Variants in DTNB observed in about 807,000 individuals in gnomAD.
The protein encoded by DTNB is dystrobrevin beta, also known as DTN-B.
A neutral mutation model predicts 90.7 loss-of-function variants in DTNB; 63 were observed. The observed-to-expected ratio is 0.69, with a 90% CI of 0.57 to 0.86. The LOEUF is 0.86. Among genes scored for constraint, DTNB ranks in the 40% least tolerant of loss-of-function variants. The pLI is 0.00. For synonymous variants in DTNB, 277 were observed against 286.7 expected (o/e 0.97, Z 0.34); for missense variants, 744 against 807.1 (o/e 0.92, Z 0.95).
At chr2:25,538,156 G>A (rs1379231177) in intron 8 of DTNB, among the ~76,000 whole-genome samples, 1 of 152,100 alleles carries the variant, frequency 6.6e-6, no homozygotes, top group Non-Finnish European at 1.5e-5. Flanking sequence ...GTCAAGGTGG[G>A]AGGATCACTT....
Position 25,447,844 on chromosome 2 carries a change from T to C in DTNB, c.1257+3704A>G, listed in dbSNP as rs181211932. On this transcript the variant is annotated intron_variant, in intron 12 of 20. Coordinates refer to ENST00000406818, the MANE Select transcript of DTNB (RefSeq NM_021907.5). Reference sequence around the variant, plus strand: ...TTATACAACATATTCACCAAGGGTATAATGCTTCAAGGGCCTACCTTAATG... The same window carrying C: ...TTATACAACATATTCACCAAGGGTACAATGCTTCAAGGGCCTACCTTAATG... 8.5e-5 allele frequency among the ~76,000 whole-genome samples: 13 copies of C among 152,220 alleles called. No individual in the cohort carries two copies. In the East Asian group the frequency reaches 2.5e-3, roughly 29 times the overall value.
At chr2:25,617,186 G>C (rs1395238534) in intron 4 of DTNB, among the ~76,000 whole-genome samples, 1 of 152,070 alleles carries the variant, frequency 6.6e-6, no homozygotes, top group African/African-American at 2.4e-5. Flanking sequence ...CTTTATTAAG[G>C]GTCAGGGGAT....
chr2:25,436,638 G>GA (rs1001571557), intron 12 of DTNB, among the ~76,000 whole-genome samples: 17 of 147,554 alleles, frequency 1.2e-4, no homozygotes, highest in South Asian at 2.2e-4. Flanking sequence ...TTTTTTAAAA[G>GA]AAAAAAAAAA....
At chr2:25,385,257 C>G (rs1233965320) in intron 18 of DTNB, among the ~76,000 whole-genome samples, 2 of 152,144 alleles carry the variant, frequency 1.3e-5, no homozygotes, top group African/African-American at 4.8e-5. Flanking sequence ...TATGTATATA[C>G]AGTATGTATA....
At chr2:25,382,248 C>T (rs773203096) in intron 19 of DTNB, among the ~76,000 whole-genome samples, 1 of 152,212 alleles carries the variant, frequency 6.6e-6, no homozygotes, top group Non-Finnish European at 1.5e-5. Context: ...CTCTCTATCT[C>T]ATCACCCCAT....
At chr2:25,398,429 AG>A in intron 16 of DTNB, among the ~76,000 whole-genome samples, 1 of 152,342 alleles carries the variant, frequency 6.6e-6, no homozygotes, top group African/African-American at 2.4e-5. Flanking sequence ...CAGAGCTGTC[AG>A]GGCCCTCCGT....
chr2:25,475,230 G>GA (rs894315481), intron 10 of DTNB, among the ~76,000 whole-genome samples: 2 of 152,228 alleles, frequency 1.3e-5, no homozygotes, highest in Non-Finnish European at 2.9e-5. Context: ...GAAAGCTCTT[G>GA]AAGGAAATTA....
chr2:25,409,619 T>C (rs1039662842), intron 16 of DTNB, among the ~76,000 whole-genome samples: 3 of 152,220 alleles, frequency 2.0e-5, no homozygotes, highest in Non-Finnish European at 4.4e-5. Context: ...ACTACTCTAT[T>C]GAACATTTTC....
chr2:25,418,278 C>G (rs548890942), intron 16 of DTNB, among the ~76,000 whole-genome samples: 2 of 152,334 alleles, frequency 1.3e-5, no homozygotes, highest in African/African-American at 4.8e-5. Flanking sequence ...ACCTCCTCCC[C>G]TCACTACTGA....
intron 8 of DTNB, among the ~76,000 whole-genome samples, chr2:25,537,440 C>T (rs1307992225): frequency 1.3e-5 from 2 of 151,786 alleles, no homozygotes; most frequent in African/African-American, 4.8e-5. Context: ...AGATGAATTC[C>T]AAATAATTAA....
intron 6 of DTNB, among the ~76,000 whole-genome samples, chr2:25,582,841 C>G (rs1008909232): frequency 6.6e-6 from 1 of 152,056 alleles, no homozygotes; most frequent in Non-Finnish European, 1.5e-5. Flanking sequence ...CTGGGAGGAA[C>G]CAGTGAATAA....
At chr2:25,507,442 C>T (rs1384354779) in intron 9 of DTNB, among the ~76,000 whole-genome samples, 2 of 152,210 alleles carry the variant, frequency 1.3e-5, no homozygotes, top group Non-Finnish European at 2.9e-5. Context: ...TCTTACCCTA[C>T]CCAAGCTTGT....
chr2:25,569,929 T>C lies in DTNB; in HGVS notation c.876+6909A>G, dbSNP rs890784892. ...CTGGCCAACATGGTGAAACCCTGTC[T>C]CTACTAAAAATACAAAAATCAGCCG... is the stretch of plus-strand genomic sequence containing the variant. On this transcript the variant is annotated intron_variant, in intron 8 of 20. Transcript: ENST00000406818. Among the ~76,000 whole-genome samples the C allele has an allele frequency of 2.6e-5, 4 of 151,860 alleles. No homozygotes were observed. The South Asian group carries it at 8.3e-4, about 32-fold the overall frequency.
At chr2:25,441,622 G>A (rs1267140974) in intron 12 of DTNB, among the ~76,000 whole-genome samples, 1 of 152,174 alleles carries the variant, frequency 6.6e-6, no homozygotes, top group Non-Finnish European at 1.5e-5. Flanking sequence ...TTCCTTCATG[G>A]AGCTCTCATG....
intron 8 of DTNB, among the ~76,000 whole-genome samples, chr2:25,574,574 T>C (rs1047795759): frequency 1.3e-5 from 2 of 152,196 alleles, no homozygotes; most frequent in African/African-American, 4.8e-5. Context: ...CGTATGAGCA[T>C]ATAGAAACAT....
intron 10 of DTNB, among the ~76,000 whole-genome samples, chr2:25,471,471 C>T: frequency 6.6e-6 from 1 of 151,542 alleles, no homozygotes; most frequent in East Asian, 1.9e-4. Flanking sequence ...CAATTGCTCA[C>T]TGAAACCTCC....
intron 18 of DTNB, among the ~76,000 whole-genome samples, chr2:25,385,844 A>T (rs996579434): frequency 6.6e-6 from 1 of 152,200 alleles, no homozygotes; most frequent in Non-Finnish European, 1.5e-5. Context: ...ATGGTATTTA[A>T]TGACCTCTCA....
rs530505625 is a variant in DTNB, at chr2:25,387,237, C to T, written c.1825+52G>A. ...GGTGCTGGCAAGGAAGTGAGAAGGG[C>T]GCGGGCAAGGCAGGGGAGGCCAGGA... On this transcript the variant is annotated intron_variant, in intron 18 of 20. Transcript: ENST00000406818. This position sits in a 1 kb window ranked among gnomAD's most constrained non-coding sequence, Gnocchi z 4.5. 26 of 1,564,590 alleles carry T rather than the reference C, an allele frequency of 1.7e-5. No homozygotes were observed. The highest frequency in any genetic ancestry group is 2.3e-4 in the Middle Eastern group (1 of 4,330).
intron 9 of DTNB, among the ~76,000 whole-genome samples, chr2:25,508,588 G>T (rs1195722088): frequency 6.7e-6 from 1 of 148,466 alleles, no homozygotes; most frequent in African/African-American, 2.5e-5. Flanking sequence ...ACACTGGAGT[G>T]CAACGTCATG....
Sources: gnomAD v4.1 joint callset for allele counts (sites outside exome capture counted in the v4.1 genomes callset) on GRCh38, gnomAD v4.1.1 for gene constraint, Gnocchi (gnomAD v3.1) non-coding constraint, MANE v1.5 for transcripts, NCBI Gene and HGNC (gene_info 2026-07-23, HGNC 2026-07-21) for gene names.